Variants in PKD2L2 observed in about 807,000 individuals in gnomAD.
The protein encoded by PKD2L2 is polycystin-2-like protein 2.
PKD2L2 carries 67 observed loss-of-function variants against 83.9 expected under a neutral mutation model. That is an observed-to-expected ratio of 0.80 (90% CI 0.66 to 0.98). PKD2L2 has a LOEUF of 0.98. Ranked by LOEUF, PKD2L2 falls within the 50% of genes least tolerant of loss-of-function variation. PKD2L2 has a pLI of 0.00. For synonymous variants in PKD2L2, 223 were observed against 237.8 expected, an observed-to-expected ratio of 0.94 and a Z score of 0.57; for missense variants, 632 against 717.2, an observed-to-expected ratio of 0.88 and a Z score of 1.36.
chr5:137,893,127 A>T (rs1756138599), intron 3 of PKD2L2, among the ~76,000 whole-genome samples: 1 of 152,166 alleles, frequency 6.6e-6, no homozygotes, highest in Admixed American at 6.6e-5. Context: ...TAAATAGAAG[A>T]CTTGCATCTA....
intron 8 of PKD2L2, among the ~76,000 whole-genome samples, chr5:137,910,663 C>T (rs898266839): frequency 3.7e-4 from 56 of 151,622 alleles, no homozygotes; most frequent in African/African-American, 1.4e-3. Context: ...GCCTGTAATC[C>T]CAGCTACTCA....
chr5:137,896,449 T>C (rs767047380), intron 4 of PKD2L2, among the ~76,000 whole-genome samples: 2 of 152,198 alleles, frequency 1.3e-5, no homozygotes, highest in Non-Finnish European at 2.9e-5. Flanking sequence ...CTCACTCTCT[T>C]GCTCAGGCTG....
Position 137,906,443 on chromosome 5 carries a change from A to C in PKD2L2, c.975+9A>C. ...AATTGCTACTTTTGCTGGTGAGTAT[A>C]TATTCATGTGTATGGTTGAAGGGGA... On this transcript the variant is annotated intron_variant, in intron 6 of 14. Coordinates refer to ENST00000508883, the MANE Select transcript of PKD2L2 (RefSeq NM_001300921.2). 1 of 1,429,030 alleles carries C rather than the reference A, an allele frequency of 7.0e-7. No individual in the cohort carries two copies. The highest frequency in any genetic ancestry group is 9.8e-7 in the Non-Finnish European group (1 of 1,018,716). 88.5% of individuals were successfully genotyped at this position (1,429,030 alleles called of 1,614,324 possible).
rs1246999369 is a variant in PKD2L2 at position 137,925,906 on chromosome 5, A to T, written c.1648A>T (p.Arg550Ter). 1 of 1,597,660 alleles carries T rather than the reference A, an allele frequency of 6.3e-7. No homozygotes were observed. The change falls in exon 12 of 15, where the codon AGA (arginine) becomes TGA (stop). Residue 550 changes from arginine (R) to a stop codon, truncating the protein, a stop_gained. Transcript: ENST00000508883. LOFTEE classifies it high-confidence loss of function. ...CAGCGGAGATTTGGCTGAACAAGCC[A>T]GAAGAGAAGGCTTTGACGAAAATGT... Reference protein sequence around the residue: ...KGSGDLAEQARREGFDENEIQ... With the variant: ...KGSGDLAEQA
intron 4 of PKD2L2, among the ~76,000 whole-genome samples, chr5:137,895,656 T>A (rs1226323352): frequency 2.0e-5 from 3 of 151,856 alleles, no homozygotes; most frequent in African/African-American, 7.3e-5. Context: ...GGCAGGTGGA[T>A]TATTTGAGTT....
chr5:137,895,222 C>T (rs933567473), intron 4 of PKD2L2, among the ~76,000 whole-genome samples: 6 of 152,034 alleles, frequency 3.9e-5, no homozygotes, highest in African/African-American at 1.4e-4. Flanking sequence ...AATCCCAGCA[C>T]TTTGGGAAGC....
intron 10 of PKD2L2, 81 bp from the exon 11 acceptor site, chr5:137,924,959 A>T: frequency 1.2e-6 from 1 of 843,894 alleles, no homozygotes; most frequent in Non-Finnish European, 2.0e-6. Flanking sequence ...CAAGCATTCC[A>T]TATTTATTTT....
At position 137,936,053 on chromosome 5, in the gene PKD2L2, A is replaced by G. The variant is rs1264020304; in HGVS notation, c.1784+144A>G. On this transcript the variant is annotated intron_variant, in intron 13 of 14. Transcript: ENST00000508883. ...ACTTTCTATCCAGTTTTAAAGTTGC[A>G]TATGACTCCATTTGCTTACAAGGTG... The G allele has an allele frequency of 7.8e-6, 5 of 641,588 alleles. No individual in the cohort carries two copies. In the Admixed American group the frequency reaches 1.1e-4, roughly 15 times the overall value. The allele number at this position is 641,588 out of a possible 1,614,324, so 39.7% of individuals were successfully genotyped here.
intron 5 of PKD2L2, among the ~76,000 whole-genome samples, chr5:137,899,972 C>T (rs796717274): frequency 7.9e-5 from 12 of 152,224 alleles, no homozygotes; most frequent in African/African-American, 2.4e-4. Flanking sequence ...AAAAGTTAGG[C>T]ATGTCATGAA....
chr5:137,892,686 T>C, intron 3 of PKD2L2, 73 bp downstream of exon 3: 1 of 1,094,570 alleles, frequency 9.1e-7, no homozygotes, highest in Non-Finnish European at 1.3e-6. Context: ...CAGTGGGCAC[T>C]CAATGAATAT....
chr5:137,935,889 C>A lies in PKD2L2; in HGVS notation c.1764C>A (p.Val588=). ...AAATTCAAGATGACTACCAGCCTGT[C>A]ACTCAAGAAGAATTTCGAGAGTAAG... ...SMEIQDDYQP[V]TQEEFRELFL... The change falls in exon 13 of 15, where the codon GTC becomes GTA. Residue 588 remains valine (V), a synonymous_variant. Transcript: ENST00000508883. 6.3e-7 allele frequency: 1 copy of A among 1,583,114 alleles called. No individual in the cohort carries two copies. Among genetic ancestry groups the A allele is most frequent in the Non-Finnish European group, 8.7e-7 (1 of 1,152,040 alleles).
chr5:137,908,749 CTT>C lies in PKD2L2; in HGVS notation c.1147-14_1147-13del. ...TTTGATATTCTCCTATTTCAATTAA[CTT>C]TGTTCTTTTTCAGATATTCAAATTC... On this transcript the variant is annotated splice_polypyrimidine_tract_variant and intron_variant, in intron 7 of 14. Transcript: ENST00000508883. 2 of 1,350,530 alleles carry C rather than the reference CTT, an allele frequency of 1.5e-6. No individual in the cohort carries two copies. The highest frequency in any genetic ancestry group is 2.7e-5 in the South Asian group (2 of 75,442). The allele number at this position is 1,350,530 out of a possible 1,614,324, so 83.7% of individuals were successfully genotyped here.
intron 9 of PKD2L2, 62 bp from the exon 10 acceptor site, chr5:137,923,358 T>TAA: frequency 1.2e-6 from 1 of 840,246 alleles, no homozygotes; most frequent in Non-Finnish European, 2.0e-6. Context: ...CAAAACTTGT[T>TAA]AAAGTCATTA....
chr5:137,913,178 TTTTTTC>T, intron 8 of PKD2L2, among the ~76,000 whole-genome samples: 1 of 126,478 alleles, frequency 7.9e-6, no homozygotes, highest in South Asian at 2.9e-4. Context: ...CCCAGCCTTC[TTTTTTC>T]TTTTTTTTTT....
chr5:137,899,382 G>A (rs1048952667), intron 4 of PKD2L2, 134 bp from the exon 5 acceptor site: 6 of 633,672 alleles, frequency 9.5e-6, no homozygotes, highest in East Asian at 2.8e-5. Flanking sequence ...CTCCCAAAGT[G>A]TTGGGATTAC....
At chr5:137,933,243 C>T (rs1760034809) in intron 12 of PKD2L2, among the ~76,000 whole-genome samples, 1 of 152,198 alleles carries the variant, frequency 6.6e-6, no homozygotes, top group East Asian at 1.9e-4. Flanking sequence ...TACACATTTG[C>T]ACTTCCATAA....
intron 8 of PKD2L2, among the ~76,000 whole-genome samples, chr5:137,921,362 G>GAAAAAA (rs66968280): frequency 6.9e-6 from 1 of 144,768 alleles, no homozygotes; most frequent in Non-Finnish European, 1.5e-5. Context: ...CTGTCTCAAA[G>GAAAAAA]AAAAAAAAAA....
At chr5:137,932,893 T>C (rs1404325095) in intron 12 of PKD2L2, among the ~76,000 whole-genome samples, 1 of 152,030 alleles carries the variant, frequency 6.6e-6, no homozygotes, top group Admixed American at 6.5e-5. Context: ...GATTTCCGAT[T>C]AGGGATACTC....
intron 8 of PKD2L2, among the ~76,000 whole-genome samples, chr5:137,915,537 C>T (rs1190758639): frequency 1.3e-5 from 2 of 152,190 alleles, no homozygotes; most frequent in East Asian, 1.9e-4. Context: ...ATTCTCCTGC[C>T]TCAGCCTCCT....
Sources: gnomAD v4.1 joint callset for allele counts (sites outside exome capture counted in the v4.1 genomes callset) on GRCh38, gnomAD v4.1.1 for gene constraint, MANE v1.5 for transcripts, NCBI Gene and HGNC (gene_info 2026-07-23, HGNC 2026-07-21) for gene names.